The following CNTN3 variants were observed in gnomAD, a reference collection of about 807,000 sequenced individuals.
The protein encoded by CNTN3 is contactin-3.
CNTN3 carries 60 observed loss-of-function variants against 119.1 expected under a neutral mutation model. That is an observed-to-expected ratio of 0.50 (90% CI 0.41 to 0.62). The LOEUF is 0.62. Among genes scored for constraint, CNTN3 ranks in the 20% least tolerant of loss-of-function variants. The pLI is 0.00. For missense variants in CNTN3, 1,101 were observed against 1,242.4 expected (o/e 0.89, Z 1.71); for synonymous variants, 450 against 438.7 (o/e 1.03, Z -0.32).
Position 74,277,333 on chromosome 3 carries a change from G to A in CNTN3, c.2704+7972C>T, listed in dbSNP as rs148763516. Among the ~76,000 whole-genome samples, 578 of 151,944 alleles carry A rather than the reference G, an allele frequency of 3.8e-3. 8 individuals are homozygous for A. The highest frequency in any genetic ancestry group is 0.013 in the African/African-American group (535 of 41,478). On this transcript the variant is annotated intron_variant, in intron 20 of 22. Transcript: ENST00000263665. ...TAACCAAACAAGAAAACTACAGACCGATATCCCTGATGAACATAGATGCTA... is the reference window on the plus strand; with the variant it reads ...TAACCAAACAAGAAAACTACAGACCAATATCCCTGATGAACATAGATGCTA...
At chr3:74,382,685 CA>C (rs1406187856) in intron 5 of CNTN3, among the ~76,000 whole-genome samples, 1 of 152,220 alleles carries the variant, frequency 6.6e-6, no homozygotes, top group Non-Finnish European at 1.5e-5. Flanking sequence ...CACACTGTCA[CA>C]AATGACAGAA....
chr3:74,346,667 T>A (rs1703695294), intron 11 of CNTN3, among the ~76,000 whole-genome samples: 1 of 152,042 alleles, frequency 6.6e-6, no homozygotes. Context: ...GCAGAAATCA[T>A]CATTACCAAT....
chr3:74,443,277 T>A (rs2106932123), intron 4 of CNTN3, among the ~76,000 whole-genome samples: 1 of 152,310 alleles, frequency 6.6e-6, no homozygotes, highest in Admixed American at 6.5e-5. Context: ...TTCTTCCTTC[T>A]GGGCCCTTGG....
intron 2 of CNTN3, among the ~76,000 whole-genome samples, chr3:74,507,237 A>G (rs1703278247): frequency 6.6e-6 from 1 of 152,060 alleles, no homozygotes; most frequent in Admixed American, 6.6e-5. Flanking sequence ...TGGGAAACAT[A>G]GCAAGACTCC....
At chr3:74,307,174 G>A (rs996965383) in intron 13 of CNTN3, among the ~76,000 whole-genome samples, 1 of 152,162 alleles carries the variant, frequency 6.6e-6, no homozygotes, top group Non-Finnish European at 1.5e-5. Flanking sequence ...GCTGAATGGG[G>A]TGGACAGGGG....
At chr3:74,311,627 C>G (rs554362168) in intron 13 of CNTN3, among the ~76,000 whole-genome samples, 1 of 152,298 alleles carries the variant, frequency 6.6e-6, no homozygotes, top group East Asian at 1.9e-4. Context: ...AGCAAACCAT[C>G]TAAGTCAGCA....
At chr3:74,479,820 A>G (rs1177407305) in intron 4 of CNTN3, among the ~76,000 whole-genome samples, 1 of 152,076 alleles carries the variant, frequency 6.6e-6, no homozygotes, top group East Asian at 1.9e-4. Flanking sequence ...CTAGGATATA[A>G]TTCTCCAAGA....
intron 5 of CNTN3, among the ~76,000 whole-genome samples, chr3:74,421,301 T>G (rs1701612493): frequency 6.6e-6 from 1 of 152,102 alleles, no homozygotes; most frequent in Non-Finnish European, 1.5e-5. Flanking sequence ...CCCGAGTAGC[T>G]GGGACTACAG....
At chr3:74,352,543 G>A (rs1241915747) in intron 11 of CNTN3, among the ~76,000 whole-genome samples, 1 of 152,168 alleles carries the variant, frequency 6.6e-6, no homozygotes, top group Non-Finnish European at 1.5e-5. Context: ...CTATTCCACT[G>A]TAATTGATGG....
At chr3:74,375,944 G>T (rs765548538) in intron 5 of CNTN3, among the ~76,000 whole-genome samples, 2 of 152,114 alleles carry the variant, frequency 1.3e-5, no homozygotes, top group Non-Finnish European at 2.9e-5. Flanking sequence ...GTGAATTCTG[G>T]TAGGCCCACT....
chr3:74,344,397 G>GTTTTTTTTTTTTTTTTTTTTTTT lies in CNTN3; in HGVS notation c.1365-7762_1365-7740dup, dbSNP rs1156579949. On this transcript the variant is annotated intron_variant, in intron 11 of 22. Coordinates refer to ENST00000263665, the MANE Select transcript of CNTN3 (RefSeq NM_020872.3). ...AGTTCATTTACAACCTTACACAGTGGTTTTTTTTTTTTTTTTTTTTTTTTT... is the reference window on the plus strand; with the variant it reads ...AGTTCATTTACAACCTTACACAGTGGTTTTTTTTTTTTTTTTTTTTTTTTTTTTTTTTTTTTTTTTTTTTTTTT... 9.2e-5 allele frequency among the ~76,000 whole-genome samples: 3 copies of GTTTTTTTTTTTTTTTTTTTTTTT among 32,628 alleles called. 1 individual carries two copies. The highest frequency in any genetic ancestry group is 1.0e-3 in the South Asian group (1 of 994). 21.4% of individuals were successfully genotyped at this position (32,628 alleles called of 152,430 possible).
At chr3:74,519,025 C>G (rs2107118288) in intron 2 of CNTN3, among the ~76,000 whole-genome samples, 1 of 151,828 alleles carries the variant, frequency 6.6e-6, no homozygotes, top group Admixed American at 6.6e-5. Context: ...TCTAAATTCT[C>G]TCATATAGTA....
At chr3:74,297,247 G>A (rs534246793) in intron 18 of CNTN3, among the ~76,000 whole-genome samples, 2 of 152,224 alleles carry the variant, frequency 1.3e-5, no homozygotes, top group East Asian at 3.9e-4. Flanking sequence ...GTAAGGCTGT[G>A]ATTTTCCTTG....
intron 5 of CNTN3, among the ~76,000 whole-genome samples, chr3:74,411,022 C>CT (rs956163768): frequency 7.9e-5 from 12 of 152,016 alleles, no homozygotes; most frequent in African/African-American, 2.9e-4. Flanking sequence ...ACTCCCCTCT[C>CT]TATCCTTTCC....
At chr3:74,296,643 G>A (rs1403981220) in intron 18 of CNTN3, among the ~76,000 whole-genome samples, 1 of 152,222 alleles carries the variant, frequency 6.6e-6, no homozygotes, top group Non-Finnish European at 1.5e-5. Context: ...GGGAGACACT[G>A]ATATATTTCG....
chr3:74,489,463 C>T (rs79342665), intron 3 of CNTN3, among the ~76,000 whole-genome samples: 1 of 135,244 alleles, frequency 7.4e-6, no homozygotes, highest in African/African-American at 2.5e-5. Flanking sequence ...TCCCTTCCTC[C>T]CTTCCTCTCT....
intron 5 of CNTN3, among the ~76,000 whole-genome samples, chr3:74,415,981 G>C (rs975669362): frequency 6.6e-6 from 1 of 152,174 alleles, no homozygotes; most frequent in Non-Finnish European, 1.5e-5. Context: ...TGTGCTGGCT[G>C]GGCCCCTGGG....
At chr3:74,407,429 T>C (rs977385042) in intron 5 of CNTN3, among the ~76,000 whole-genome samples, 1 of 120,308 alleles carries the variant, frequency 8.3e-6, no homozygotes, top group East Asian at 2.6e-4. Flanking sequence ...CCACCACGCC[T>C]GGCTAATTTT....
Position 74,369,876 on chromosome 3 carries a change from T to C in CNTN3, c.761+13A>G. The C allele has an allele frequency of 1.4e-6, 2 of 1,459,934 alleles. No homozygotes were observed. Among genetic ancestry groups the C allele is most frequent in the Admixed American group, 1.7e-5 (1 of 58,764 alleles). 90.4% of individuals were successfully genotyped at this position (1,459,934 alleles called of 1,614,324 possible). ...ATATTTCAGCACATAGGAGTAAATGTTATAAAACTTACTTTCCAAGGGCAA... is the reference window on the plus strand; with the variant it reads ...ATATTTCAGCACATAGGAGTAAATGCTATAAAACTTACTTTCCAAGGGCAA... On this transcript the variant is annotated intron_variant, in intron 7 of 22. Transcript: ENST00000263665.
Sources: allele counts gnomAD v4.1 joint callset (sites outside exome capture counted in the v4.1 genomes callset), GRCh38; gene constraint gnomAD v4.1.1; transcripts MANE v1.5; gene names NCBI Gene and HGNC (gene_info 2026-07-23, HGNC 2026-07-21).